PRKCB: variants seen among roughly 807,000 people sequenced by gnomAD.
PRKCB encodes protein kinase C beta.
Under a neutral mutation model 81.5 loss-of-function variants are expected in PRKCB, and 13 were observed. The ratio of observed to expected loss-of-function variants is 0.16; its 90% CI spans 0.10 to 0.25. The LOEUF (loss-of-function observed/expected upper bound fraction) is 0.25, where lower values mean the gene tolerates loss of function less well. Among genes scored for constraint, PRKCB ranks in the 10% least tolerant of loss-of-function variants. The pLI is 1.00. For missense variants in PRKCB, 509 were observed against 875.7 expected, an observed-to-expected ratio of 0.58 and a Z score of 5.29; for synonymous variants, 335 against 321.4, an observed-to-expected ratio of 1.04 and a Z score of -0.45.
chr16:24,028,294 G>A (rs769745044), intron 3 of PRKCB, among the ~76,000 whole-genome samples: 13 of 152,118 alleles, frequency 8.5e-5, no homozygotes, highest in African/African-American at 2.4e-4. Flanking sequence ...TCACCATATC[G>A]GTCAGGCTGG....
At chr16:24,121,525 A>T (rs556280901) in intron 8 of PRKCB, among the ~76,000 whole-genome samples, 39 of 152,218 alleles carry the variant, frequency 2.6e-4, no homozygotes, top group African/African-American at 9.4e-4. Context: ...CTACAGGCCC[A>T]CTGCCACCAT....
intron 2 of PRKCB, among the ~76,000 whole-genome samples, chr16:23,982,208 TTCCCCTTCCCTTCGCC>T (rs1964743453): frequency 2.1e-5 from 1 of 47,446 alleles, no homozygotes; most frequent in East Asian, 8.8e-4. Flanking sequence ...TCCCCTTCCC[TTCCCCTTCCCTTCGCC>T]TTCCCTTCCC....
intron 5 of PRKCB, among the ~76,000 whole-genome samples, chr16:24,043,756 G>A (rs1414505247): frequency 2.0e-5 from 3 of 152,136 alleles, no homozygotes; most frequent in Non-Finnish European, 2.9e-5. Context: ...TGCTGGGCGC[G>A]GTCATTGCTC....
rs34117735 is a variant in PRKCB at position 23,950,132 on chromosome 16, ATTTTT to A, written c.206-38354_206-38350del. ...AGCAGCATTGGCCCCTATGATTTGA[ATTTTT>A]TTTTTTTTTTTTTTTTTTTTTCTGT... On this transcript the variant is annotated intron_variant, in intron 2 of 16. Transcript: ENST00000643927. Among the ~76,000 whole-genome samples, 453 of 97,754 alleles carry A rather than the reference ATTTTT, an allele frequency of 4.6e-3. 16 individuals carry two copies. Among genetic ancestry groups the A allele is most frequent in the African/African-American group, 0.015 (361 of 24,110 alleles). 64.1% of individuals were successfully genotyped at this position (97,754 alleles called of 152,430 possible).
chr16:23,895,275 G>C (rs1435674337), intron 2 of PRKCB, among the ~76,000 whole-genome samples: 1 of 151,794 alleles, frequency 6.6e-6, no homozygotes, highest in Non-Finnish European at 1.5e-5. Flanking sequence ...CCTATTTTTA[G>C]TTTTTGAAAA....
At chr16:24,206,386 G>C (rs144300649) in intron 16 of PRKCB, among the ~76,000 whole-genome samples, 3 of 152,270 alleles carry the variant, frequency 2.0e-5, no homozygotes, top group African/African-American at 7.2e-5. Context: ...ATGTAGCTTG[G>C]ATGTCTTTTC....
rs758345369 is a variant in PRKCB, at chr16:24,092,832, C to T, written c.571C>T (p.Leu191=). 6.8e-6 allele frequency: 11 copies of T among 1,614,020 alleles called. No homozygotes were observed. Among genetic ancestry groups the T allele is most frequent in the Non-Finnish European group, 7.6e-6 (9 of 1,180,038 alleles). The change falls in exon 6 of 17, where the codon CTG becomes TTG. Residue 191 remains leucine (L), a synonymous_variant. Transcript: ENST00000643927. ...KNLVPMDPNG[L]SDPYVKLKLI... ...CCTTGTACCTATGGACCCCAATGGC[C>T]TGTCAGATCCCTACGTAAAACTGAA...
chr16:24,023,756 G>A (rs1049909960), intron 3 of PRKCB, among the ~76,000 whole-genome samples: 1 of 152,142 alleles, frequency 6.6e-6, no homozygotes, highest in Non-Finnish European at 1.5e-5. Flanking sequence ...TGGGTAAATA[G>A]CCACTGGGTC....
In PRKCB at chr16:24,110,814, C is replaced by G. The variant is rs140036135; in HGVS notation, c.822-2159C>G. 3.3e-3 allele frequency among the ~76,000 whole-genome samples: 500 copies of G among 152,194 alleles called. 1 individual carries two copies. The highest frequency in any genetic ancestry group is 5.4e-3 in the Non-Finnish European group (370 of 68,012). The stretch of plus-strand genomic sequence containing the variant: ...GGATGACAGACATGAGCCACCACGA[C>G]GACCTGTTTATCTTTTTGTTTGTTT... On this transcript the variant is annotated intron_variant, in intron 7 of 16. Transcript: ENST00000643927.
chr16:24,172,072 T>A (rs189219028), intron 10 of PRKCB, 198 bp from the exon 11 acceptor site: 3 of 503,618 alleles, frequency 6.0e-6, no homozygotes, highest in Admixed American at 3.2e-5. Context: ...AAAAAAATTA[T>A]CTGTGTATCA....
chr16:23,911,982 C>T (rs28615466), intron 2 of PRKCB, among the ~76,000 whole-genome samples: 5,242 of 151,828 alleles, frequency 0.035, 163 homozygotes, highest in African/African-American at 0.072. Flanking sequence ...CAGGTGCGCA[C>T]CACCATGCCC....
intron 9 of PRKCB, among the ~76,000 whole-genome samples, chr16:24,130,002 C>A (rs533096766): frequency 2.4e-4 from 36 of 152,280 alleles, no homozygotes; most frequent in Admixed American, 5.9e-4. Flanking sequence ...ATCATGTATC[C>A]ATCTGTCTAT....
chr16:24,003,959 T>C (rs1965077375), intron 3 of PRKCB, among the ~76,000 whole-genome samples: 1 of 152,236 alleles, frequency 6.6e-6, no homozygotes, highest in African/African-American at 2.4e-5. Context: ...TACATGAGTC[T>C]AGATGAACAT....
chr16:23,896,343 T>C lies in PRKCB; in HGVS notation c.205+58937T>C, dbSNP rs183754876. Among the ~76,000 whole-genome samples, 164 of 152,314 alleles carry C rather than the reference T, an allele frequency of 1.1e-3. 2 individuals are homozygous for C. The highest frequency in any genetic ancestry group is 3.7e-3 in the African/African-American group (153 of 41,574). ...CTTATTGAATTAATTGATTGATTCA[T>C]TAATTCAATCAACAAATATTTATTG... On this transcript the variant is annotated intron_variant, in intron 2 of 16. Coordinates refer to ENST00000643927, the MANE Select transcript of PRKCB (RefSeq NM_002738.7).
At chr16:23,946,296 G>A (rs144966509) in intron 2 of PRKCB, among the ~76,000 whole-genome samples, 23 of 152,252 alleles carry the variant, frequency 1.5e-4, no homozygotes, top group African/African-American at 4.8e-4. Context: ...CAGGGGCACC[G>A]CTTTGCTAAA....
intron 3 of PRKCB, among the ~76,000 whole-genome samples, chr16:23,989,527 AT>A (rs1964849725): frequency 6.6e-6 from 1 of 152,214 alleles, no homozygotes; most frequent in Admixed American, 6.5e-5. Flanking sequence ...TGTTTTAATC[AT>A]TATAAATGTA....
At chr16:24,043,854 G>A (rs1319479243) in intron 5 of PRKCB, among the ~76,000 whole-genome samples, 1 of 152,170 alleles carries the variant, frequency 6.6e-6, no homozygotes, top group African/African-American at 2.4e-5. Flanking sequence ...CAGTGGTCCA[G>A]CAATGTCTAT....
intron 4 of PRKCB, 133 bp from the exon 5 acceptor site, chr16:24,035,286 C>T: frequency 1.6e-6 from 2 of 1,225,262 alleles, no homozygotes; most frequent in Non-Finnish European, 2.3e-6. Flanking sequence ...AAGTTGGTCT[C>T]AGCCAGGCTC....
At chr16:23,938,032 G>A (rs538933896) in intron 2 of PRKCB, among the ~76,000 whole-genome samples, 72 of 152,274 alleles carry the variant, frequency 4.7e-4, no homozygotes, top group African/African-American at 1.7e-3. Context: ...CAGTGGATGA[G>A]TGCTTGCTAA....
Sources: allele counts gnomAD v4.1 joint callset (sites outside exome capture counted in the v4.1 genomes callset), GRCh38; gene constraint gnomAD v4.1.1; transcripts MANE v1.5; gene names NCBI Gene and HGNC (gene_info 2026-07-23, HGNC 2026-07-21).